The following ELFN1 variants were observed in gnomAD, a reference collection of about 807,000 sequenced individuals.
ELFN1 encodes protein ELFN1.
Under a neutral mutation model 7.6 loss-of-function variants are expected in ELFN1, and 6 were observed. The observed-to-expected ratio is 0.79, with a 90% CI of 0.43 to 1.56. ELFN1 has a LOEUF of 1.56. Among genes scored for constraint, ELFN1 ranks in the 40% most tolerant of loss-of-function variants. ELFN1 has a pLI of 0.01. For synonymous variants in ELFN1, 657 were observed against 588.1 expected (o/e 1.12, Z -1.70); for missense variants, 1,169 against 1,232.2 (o/e 0.95, Z 0.77).
chr7:1,666,282 T>A (rs867168362), upstream of ELFN1, among the ~76,000 whole-genome samples: 6 of 151,128 alleles, frequency 4.0e-5, no homozygotes, highest in Admixed American at 2.0e-4. This position sits in a 1 kb window ranked among gnomAD's most constrained non-coding sequence, Gnocchi z 7.9. Context: ...GAGGATGCTC[T>A]CTGGGGGGGG....
chr7:1,726,654 C>T (rs1171384308), intron 3 of ELFN1, among the ~76,000 whole-genome samples: 1 of 152,228 alleles, frequency 6.6e-6, no homozygotes, highest in Non-Finnish European at 1.5e-5. Context: ...AGTCCCTTCT[C>T]CCTCTACCTC....
chr7:1,706,429 CAAAA>C (rs1779532106), intron 2 of ELFN1, among the ~76,000 whole-genome samples: 2 of 77,744 alleles, frequency 2.6e-5, no homozygotes, highest in Admixed American at 9.7e-5. Flanking sequence ...CTCAAAAAAA[CAAAA>C]CAAAACAAAA....
At chr7:1,708,823 G>A (rs766524230) in intron 2 of ELFN1, among the ~76,000 whole-genome samples, 5 of 152,104 alleles carry the variant, frequency 3.3e-5, no homozygotes, top group Admixed American at 1.3e-4. Context: ...CAACTCCCTC[G>A]GTCTGCAGTT....
chr7:1,666,292 G>C (rs556028786), upstream of ELFN1, among the ~76,000 whole-genome samples: 8 of 151,918 alleles, frequency 5.3e-5, no homozygotes, highest in Non-Finnish European at 1.5e-5. This position sits in a 1 kb window ranked among gnomAD's most constrained non-coding sequence, Gnocchi z 7.9. Flanking sequence ...TCTGGGGGGG[G>C]CGGCGGGGGG....
intron 1 of ELFN1, among the ~76,000 whole-genome samples, chr7:1,684,280 A>G (rs544228249): frequency 2.2e-4 from 34 of 152,256 alleles, no homozygotes; most frequent in African/African-American, 7.7e-4. Flanking sequence ...ACATATTTGT[A>G]TATTTGAACT....
intron 3 of ELFN1, among the ~76,000 whole-genome samples, chr7:1,728,560 C>A (rs916492590): frequency 6.6e-6 from 1 of 152,230 alleles, no homozygotes; most frequent in Non-Finnish European, 1.5e-5. Context: ...TTCGGAGGCA[C>A]CTCCTGGGCT....
intron 1 of ELFN1, among the ~76,000 whole-genome samples, chr7:1,674,392 T>C (rs1174229629): frequency 6.6e-6 from 1 of 152,170 alleles, no homozygotes; most frequent in Non-Finnish European, 1.5e-5. Flanking sequence ...GCCTCCCTTC[T>C]GCCCAGCAGT....
At chr7:1,700,263 G>A (rs888980531) in intron 2 of ELFN1, among the ~76,000 whole-genome samples, 2 of 152,190 alleles carry the variant, frequency 1.3e-5, no homozygotes, top group Admixed American at 1.3e-4. Flanking sequence ...ACCACCGTGT[G>A]AACTTTGTGT....
intron 3 of ELFN1, among the ~76,000 whole-genome samples, chr7:1,742,690 C>T (rs1300304889): frequency 3.3e-5 from 5 of 152,240 alleles, no homozygotes; most frequent in African/African-American, 1.2e-4. Flanking sequence ...CACTCCAGGC[C>T]AAGCCCTGGG....
At position 1,745,158 on chromosome 7, in the gene ELFN1, T is replaced by C; in HGVS notation, c.562T>C (p.Tyr188His). The C allele has an allele frequency of 6.5e-7, 1 of 1,549,962 alleles. No homozygotes were observed. The highest frequency in any genetic ancestry group is 1.7e-4 in the Middle Eastern group (1 of 5,990). The change falls in exon 4 of 4, where the codon TAC becomes CAC. Residue 188 changes from tyrosine (Y) to histidine (H), a missense_variant. Coordinates refer to ENST00000424383, the MANE Select transcript of ELFN1 (RefSeq NM_001128636.4). ...GLAKLSVCEL[Y>H]SNPFYCSCEL... ...GGCCAAGCTGTCGGTGTGCGAGCTC[T>C]ACAGCAACCCCTTCTACTGCTCCTG...
At chr7:1,722,369 C>T (rs968291667) in intron 3 of ELFN1, among the ~76,000 whole-genome samples, 46 of 151,330 alleles carry the variant, frequency 3.0e-4, no homozygotes, top group African/African-American at 9.7e-4. Context: ...TGGATTCAAG[C>T]GATTCTCCTG....
At chr7:1,708,446 G>A (rs905292109) in intron 2 of ELFN1, among the ~76,000 whole-genome samples, 11 of 152,330 alleles carry the variant, frequency 7.2e-5, no homozygotes, top group South Asian at 2.1e-4. Flanking sequence ...ACAGAGCTGC[G>A]CTTGGGCCTG....
rs568057689 is a variant in ELFN1 at position 1,673,023 on chromosome 7, G to A, written c.-549+2669G>A. 3.3e-5 allele frequency among the ~76,000 whole-genome samples: 5 copies of A among 152,256 alleles called. No homozygotes were observed. The highest frequency in any genetic ancestry group is 7.2e-5 in the African/African-American group (3 of 41,536). ...GTGATGAGGCCATAAATTTCCAGGC[G>A]TGAACCTGGAGCGGATGGTGGCACC... On this transcript the variant is annotated intron_variant, in intron 1 of 3. Transcript: ENST00000424383. This position sits in a 1 kb window ranked among gnomAD's most constrained non-coding sequence, Gnocchi z 4.7.
chr7:1,700,342 G>A (rs1023938498), intron 2 of ELFN1, among the ~76,000 whole-genome samples: 1 of 152,210 alleles, frequency 6.6e-6, no homozygotes, highest in East Asian at 1.9e-4. Flanking sequence ...GGCTTCTGGC[G>A]CTTTCTTTCC....
intron 1 of ELFN1, among the ~76,000 whole-genome samples, chr7:1,687,348 AT>A (rs540081522): frequency 0.023 from 3,413 of 146,194 alleles, 124 homozygotes; most frequent in African/African-American, 0.075. Context: ...ACCCTGTGGT[AT>A]TTTTTTTTTT....
chr7:1,716,256 T>C (rs373873284), intron 3 of ELFN1, among the ~76,000 whole-genome samples: 5 of 152,164 alleles, frequency 3.3e-5, no homozygotes, highest in Non-Finnish European at 5.9e-5. Context: ...TAATTCCAGG[T>C]TTCCCTGCTG....
chr7:1,668,208 G>A (rs1414596361), upstream of ELFN1, among the ~76,000 whole-genome samples: 3 of 152,266 alleles, frequency 2.0e-5, no homozygotes, highest in African/African-American at 7.2e-5. Flanking sequence ...GGGTCAGGCA[G>A]TACCGGTCAA....
In ELFN1 at chr7:1,745,741, T is replaced by A. The variant is rs1436758136; in HGVS notation, c.1145T>A (p.Val382Glu). ...FTLTNYTYCVVSTSAGLRHNH... is the reference protein window; with the variant it reads ...FTLTNYTYCVESTSAGLRHNH... The stretch of plus-strand genomic sequence containing the variant: ...CTCACCAACTACACCTACTGCGTGG[T>A]GTCCACCAGCGCCGGGCTGCGCCAC... The change falls in exon 4 of 4, where the codon GTG becomes GAG. Residue 382 changes from valine (V) to glutamate (E), a missense_variant. Coordinates refer to ENST00000424383, the MANE Select transcript of ELFN1 (RefSeq NM_001128636.4). The A allele has an allele frequency of 6.4e-7, 1 of 1,551,312 alleles. No individual in the cohort carries two copies.
chr7:1,741,897 A>G (rs1449977107), intron 3 of ELFN1, among the ~76,000 whole-genome samples: 3 of 152,032 alleles, frequency 2.0e-5, no homozygotes, highest in Non-Finnish European at 2.9e-5. Context: ...CCAGGGCCCC[A>G]GTGAGCATGG....
Sources: gnomAD v4.1 joint callset for allele counts (sites outside exome capture counted in the v4.1 genomes callset) on GRCh38, gnomAD v4.1.1 for gene constraint, Gnocchi (gnomAD v3.1) non-coding constraint, MANE v1.5 for transcripts, NCBI Gene and HGNC (gene_info 2026-07-23, HGNC 2026-07-21) for gene names.